The following IFI27L1 variants were observed in gnomAD, a reference collection of about 807,000 sequenced individuals.
The protein encoded by IFI27L1 is interferon alpha inducible protein 27 like 1, also known as interferon alpha-inducible protein 27-like protein 1.
IFI27L1 carries 3 observed loss-of-function variants against 9.2 expected under a neutral mutation model. That is an observed-to-expected ratio of 0.32 (90% CI 0.15 to 0.84). The LOEUF (loss-of-function observed/expected upper bound fraction) is 0.84, where lower values mean the gene tolerates loss of function less well. IFI27L1 is among the 40% of genes least tolerant of loss of function. The pLI, the probability that IFI27L1 is intolerant of heterozygous loss-of-function variation, is 0.56. For synonymous variants in IFI27L1, 53 were observed against 50.0 expected (o/e 1.06, Z -0.26); for missense variants, 133 against 134.2 (o/e 0.99, Z 0.05).
intron 4 of IFI27L1, 197 bp downstream of exon 4, chr14:94,102,172 A>G (rs765388537): frequency 1.6e-4 from 100 of 635,566 alleles, no homozygotes; most frequent in Non-Finnish European, 2.3e-4. Context: ...GGTGAACCCT[A>G]CAAAACCCAG....
At chr14:94,085,126 T>G (rs976698189) in intron 1 of IFI27L1, among the ~76,000 whole-genome samples, 1 of 152,174 alleles carries the variant, frequency 6.6e-6, no homozygotes, top group African/African-American at 2.4e-5. Flanking sequence ...TGATTGACTT[T>G]CCAAAAAGAC....
At position 94,102,640 on chromosome 14, in the gene IFI27L1, C is replaced by G; in HGVS notation, c.*72C>G. 1 of 844,112 alleles carries G rather than the reference C, an allele frequency of 1.2e-6. No individual in the cohort carries two copies. The allele number at this position is 844,112 out of a possible 1,614,324, so 52.3% of individuals were successfully genotyped here. A position where few individuals can be genotyped will look rare whatever the true frequency, so the allele number is the denominator to read the frequency against. Reference sequence around the variant, plus strand: ...TCCTGGGCCTCTGGATGACAATCTTCCAAAGGACAAGTCTCCTACTCCCAA... The same window carrying G: ...TCCTGGGCCTCTGGATGACAATCTTGCAAAGGACAAGTCTCCTACTCCCAA... On this transcript the variant is annotated 3_prime_UTR_variant, in exon 5 of 5. Transcript: ENST00000555523.
intron 3 of IFI27L1, chr14:94,101,462 C>T (rs1886893768): frequency 3.1e-6 from 1 of 322,418 alleles, no homozygotes; most frequent in Admixed American, 4.5e-5. Context: ...TGTCTTCTGT[C>T]AACCTTTTGC....
chr14:94,089,220 G>T (rs1211467801), intron 1 of IFI27L1: 1 of 152,102 alleles, frequency 6.6e-6, no homozygotes, highest in East Asian at 1.9e-4. Flanking sequence ...ACAAAGTAAG[G>T]GAATAAAAGA....
intron 1 of IFI27L1, among the ~76,000 whole-genome samples, chr14:94,091,695 G>A (rs998841240): frequency 7.0e-6 from 1 of 142,006 alleles, no homozygotes; most frequent in Non-Finnish European, 1.5e-5. Context: ...CAATAACTCA[G>A]AATTTTTTAA....
rs534754643 is a variant in IFI27L1, at chr14:94,091,859, C to T, written c.-51-5028C>T. Among the ~76,000 whole-genome samples the T allele has an allele frequency of 1.3e-4, 19 of 151,814 alleles. 1 individual carries two copies. The Middle Eastern group carries it at 0.017, about 136-fold the overall frequency. ...TGAAAATCAGCTGGGTGTGGTGGCT[C>T]ACACCTGTAATCCCAGCACTTTGGG... On this transcript the variant is annotated intron_variant, in intron 1 of 4. Transcript: ENST00000555523.
At chr14:94,100,461 CT>C (rs1249525506) in intron 2 of IFI27L1, 1 of 985,236 alleles carries the variant, frequency 1.0e-6, no homozygotes, top group Non-Finnish European at 1.2e-6. Flanking sequence ...CCCAGGCATG[CT>C]CTGCCCAGTG....
At chr14:94,093,543 T>C (rs1275044507) in intron 1 of IFI27L1, among the ~76,000 whole-genome samples, 2 of 152,178 alleles carry the variant, frequency 1.3e-5, no homozygotes, top group Non-Finnish European at 2.9e-5. Context: ...ATTTATAGTA[T>C]GAAACATTCT....
At chr14:94,088,364 C>T (rs756378806) in intron 1 of IFI27L1, 7 of 701,902 alleles carry the variant, frequency 1.0e-5, no homozygotes, top group East Asian at 2.7e-5. Flanking sequence ...AGTGGCTTCC[C>T]GATATCCCAG....
chr14:94,097,081 C>A, intron 2 of IFI27L1, 116 bp downstream of exon 2: 1 of 723,114 alleles, frequency 1.4e-6, no homozygotes, highest in Non-Finnish European at 2.1e-6. Context: ...GGGAGGCTAT[C>A]CATGGAAAAG....
intron 1 of IFI27L1, chr14:94,094,899 G>A (rs1014168199): frequency 2.0e-5 from 3 of 152,140 alleles, no homozygotes; most frequent in Admixed American, 6.6e-5. Flanking sequence ...GCTGACTTTG[G>A]GTAAGTGGTG....
chr14:94,093,287 C>A (rs556740035), intron 1 of IFI27L1, among the ~76,000 whole-genome samples: 4 of 151,828 alleles, frequency 2.6e-5, no homozygotes, highest in African/African-American at 9.7e-5. Flanking sequence ...CTGCCTCAGC[C>A]TCCCGAGTAG....
chr14:94,096,560 C>T (rs565933672), intron 1 of IFI27L1, among the ~76,000 whole-genome samples: 17 of 151,904 alleles, frequency 1.1e-4, no homozygotes, highest in East Asian at 5.8e-4. Flanking sequence ...CAGGTGTGGT[C>T]GCACGCACCT....
rs1886342983 is a variant in IFI27L1, at chr14:94,088,098, C to A, written c.-52+6649C>A. On this transcript the variant is annotated intron_variant, in intron 1 of 4. Coordinates refer to ENST00000555523, the MANE Select transcript of IFI27L1 (RefSeq NM_206949.3). Reference sequence around the variant, plus strand: ...ATGGAAAGTTAATGACTCTATTCCCCTGGCTTCCCCATATGCCAGTTCTGC... The same window carrying A: ...ATGGAAAGTTAATGACTCTATTCCCATGGCTTCCCCATATGCCAGTTCTGC... 3 of 611,630 alleles carry A rather than the reference C, an allele frequency of 4.9e-6. No homozygotes were observed. In the South Asian group the frequency reaches 5.8e-5, roughly 12 times the overall value. 37.9% of individuals were successfully genotyped at this position (611,630 alleles called of 1,614,324 possible).
chr14:94,089,535 G>A (rs1886399004), intron 1 of IFI27L1, among the ~76,000 whole-genome samples: 1 of 152,178 alleles, frequency 6.6e-6, no homozygotes, highest in African/African-American at 2.4e-5. Context: ...TGGTTTTGGT[G>A]GGTTTGGGCT....
intron 1 of IFI27L1, among the ~76,000 whole-genome samples, chr14:94,091,273 C>T (rs551124482): frequency 6.6e-6 from 1 of 152,324 alleles, no homozygotes; most frequent in East Asian, 1.9e-4. Context: ...AGGACAGCCG[C>T]TATTATAGCC....
At chr14:94,100,806 C>T (rs1448636173) in intron 3 of IFI27L1, 35 bp downstream of exon 3, 3 of 1,608,284 alleles carry the variant, frequency 1.9e-6, no homozygotes, top group Non-Finnish European at 2.6e-6. Context: ...AAGCCCCCAT[C>T]CCCCGCCTCC....
At chr14:94,100,377 C>G (rs1886847080) in intron 2 of IFI27L1, 1 of 985,264 alleles carries the variant, frequency 1.0e-6, no homozygotes. Context: ...GCCTAAGCAC[C>G]CCAGTCCCTG....
Position 94,100,736 on chromosome 14 carries a change from C to A in IFI27L1, c.29-3C>A. ...TTGTTGTTGTTGTTGTTTTTGTCTC[C>A]AGGCAGGGCTGCTGTAGCAGCTGTG... On this transcript the variant is annotated splice_region_variant and splice_polypyrimidine_tract_variant and intron_variant, in intron 2 of 4. Coordinates refer to ENST00000555523, the MANE Select transcript of IFI27L1 (RefSeq NM_206949.3). 6.2e-7 allele frequency: 1 copy of A among 1,613,306 alleles called. No individual in the cohort carries two copies. The highest frequency in any genetic ancestry group is 1.3e-5 in the African/African-American group (1 of 74,966).
Sources: allele counts gnomAD v4.1 joint callset (sites outside exome capture counted in the v4.1 genomes callset), GRCh38; gene constraint gnomAD v4.1.1; transcripts MANE v1.5; gene names NCBI Gene and HGNC (gene_info 2026-07-23, HGNC 2026-07-21).